Variants in COL14A1 observed in about 807,000 individuals in gnomAD.
COL14A1 encodes collagen type XIV alpha 1 chain.
COL14A1 carries 136 observed loss-of-function variants against 230.3 expected under a neutral mutation model. The ratio of observed to expected loss-of-function variants is 0.59; its 90% CI spans 0.51 to 0.68. The LOEUF (loss-of-function observed/expected upper bound fraction) is 0.68. COL14A1 is among the 30% of genes least tolerant of loss of function. COL14A1 has a pLI of 0.00. For missense variants in COL14A1, 1,976 were observed against 2,215.8 expected, an observed-to-expected ratio of 0.89 and a Z score of 2.17; for synonymous variants, 792 against 784.1, an observed-to-expected ratio of 1.01 and a Z score of -0.17.
At chr8:120,138,137 G>T (rs922726017) in intron 1 of COL14A1, among the ~76,000 whole-genome samples, 1 of 151,586 alleles carries the variant, frequency 6.6e-6, no homozygotes, top group Non-Finnish European at 1.5e-5. Context: ...TCTATATACC[G>T]ATATATATCT....
At position 120,224,023 on chromosome 8, in the gene COL14A1, C is replaced by CTTTTTT. The variant is rs962510256; in HGVS notation, c.1738-1049_1738-1044dup. Among the ~76,000 whole-genome samples, 41 of 78,278 alleles carry CTTTTTT rather than the reference C, an allele frequency of 5.2e-4. 8 individuals carry two copies. Among genetic ancestry groups the CTTTTTT allele is most frequent in the African/African-American group, 1.5e-3 (28 of 19,304 alleles). The allele number at this position is 78,278 out of a possible 152,430, so 51.4% of individuals were successfully genotyped here. On this transcript the variant is annotated intron_variant, in intron 14 of 47. Transcript: ENST00000297848. ...GCCTTCTAGACCCTGCCCTCATCTC[C>CTTTTTT]TTTTTTTTTTTTTTTTTTTTTGAGA...
chr8:120,276,800 A>T (rs1051667501), intron 26 of COL14A1, among the ~76,000 whole-genome samples: 92 of 151,778 alleles, frequency 6.1e-4, no homozygotes, highest in African/African-American at 2.2e-3. Context: ...AAACCTTCAC[A>T]TTGTGCACAG....
chr8:120,255,215 C>A lies in COL14A1; in HGVS notation c.2753-25C>A, dbSNP rs772277400. The A allele has an allele frequency of 3.2e-6, 5 of 1,556,104 alleles. No homozygotes were observed. The East Asian group carries it at 9.0e-5, about 28-fold the overall frequency. On this transcript the variant is annotated intron_variant, in intron 22 of 47. Transcript: ENST00000297848. ...CTTGTGTGTTGTCTGCGGTGTGATA[C>A]AGTTATGTTTCTATTTCATTCCAGT...
At chr8:120,130,331 T>C (rs981841667) in intron 1 of COL14A1, among the ~76,000 whole-genome samples, 1 of 152,340 alleles carries the variant, frequency 6.6e-6, no homozygotes, top group African/African-American at 2.4e-5. Flanking sequence ...CTAGGCAACA[T>C]TGGCCCACAT....
chr8:120,150,849 G>A (rs1388822128), intron 2 of COL14A1, among the ~76,000 whole-genome samples: 1 of 152,076 alleles, frequency 6.6e-6, no homozygotes, highest in African/African-American at 2.4e-5. Flanking sequence ...ATTTTATTTA[G>A]GAATTCACTT....
rs1823511474 is a variant in COL14A1, at chr8:120,369,394, A to C, written c.5220A>C (p.Pro1740=). The change falls in exon 47 of 48, where the codon CCA becomes CCC. Residue 1740 remains proline, a synonymous_variant. Coordinates refer to ENST00000297848, the MANE Select transcript of COL14A1 (RefSeq NM_021110.4). ...CTGGCTCTCCTGGACCAAGAGGCCC[A>C]CCAGGTCATCTGGGGGTTCCTGGAC... The part of the protein sequence containing the change: ...GPPGSPGPRG[P]PGHLGVPGPQ... 6.2e-7 allele frequency: 1 copy of C among 1,609,794 alleles called. No homozygotes were observed. The highest frequency in any genetic ancestry group is 8.5e-7 in the Non-Finnish European group (1 of 1,178,204).
chr8:120,257,148 G>T (rs2129726531), intron 23 of COL14A1, among the ~76,000 whole-genome samples: 1 of 152,266 alleles, frequency 6.6e-6, no homozygotes, highest in African/African-American at 2.4e-5. Flanking sequence ...CAAGATCTTT[G>T]CTGGCAAGTA....
intron 20 of COL14A1, 115 bp downstream of exon 20, chr8:120,244,123 G>C (rs1818695503): frequency 8.0e-7 from 1 of 1,254,176 alleles, no homozygotes; most frequent in Non-Finnish European, 1.1e-6. Context: ...TAAAAGATTT[G>C]GGAACAGGAA....
At chr8:120,356,877 C>G (rs1159387184) in intron 45 of COL14A1, among the ~76,000 whole-genome samples, 2 of 152,108 alleles carry the variant, frequency 1.3e-5, no homozygotes, top group African/African-American at 2.4e-5. Context: ...AATTTGAATG[C>G]CCTTCAGAAC....
intron 36 of COL14A1, among the ~76,000 whole-genome samples, chr8:120,305,296 A>G (rs1411198263): frequency 6.6e-6 from 1 of 152,202 alleles, no homozygotes. Context: ...TCTTTTAAAA[A>G]CATTTCAGAT....
At chr8:120,140,560 A>G (rs898379826) in intron 1 of COL14A1, among the ~76,000 whole-genome samples, 7 of 152,170 alleles carry the variant, frequency 4.6e-5, no homozygotes, top group African/African-American at 1.7e-4. Flanking sequence ...ATTTAAGTTT[A>G]TGGTTTATTT....
chr8:120,197,938 T>G lies in COL14A1; in HGVS notation c.712+8T>G. 1 of 1,613,018 alleles carries G rather than the reference T, an allele frequency of 6.2e-7. No homozygotes were observed. The highest frequency in any genetic ancestry group is 2.2e-5 in the East Asian group (1 of 44,850). ...GAGGAAATACACTAACAGGTATGTT[T>G]TGTTCAATCCATGTTATAACAACAT... On this transcript the variant is annotated splice_region_variant and intron_variant, in intron 7 of 47. Transcript: ENST00000297848.
chr8:120,190,888 A>G (rs1782167335), intron 5 of COL14A1, among the ~76,000 whole-genome samples: 1 of 151,270 alleles, frequency 6.6e-6, no homozygotes, highest in Admixed American at 6.6e-5. Context: ...ATCGGTGGTG[A>G]TATCCCCTTT....
chr8:120,241,296 A>C (rs1252284405), intron 19 of COL14A1, among the ~76,000 whole-genome samples: 4 of 152,214 alleles, frequency 2.6e-5, no homozygotes, highest in Non-Finnish European at 5.9e-5. Flanking sequence ...ACCACCACCA[A>C]CAATAGCAAC....
At chr8:120,140,051 A>G (rs891011666) in intron 1 of COL14A1, among the ~76,000 whole-genome samples, 2 of 152,098 alleles carry the variant, frequency 1.3e-5, no homozygotes, top group African/African-American at 4.8e-5. Flanking sequence ...AATAACAACA[A>G]CAATAAATTA....
At chr8:120,140,106 T>A (rs1814851476) in intron 1 of COL14A1, among the ~76,000 whole-genome samples, 2 of 152,184 alleles carry the variant, frequency 1.3e-5, no homozygotes, top group African/African-American at 2.4e-5. Context: ...CACATTTCAT[T>A]GATAAAGAGC....
At chr8:120,238,954 C>T (rs1336605072) in intron 19 of COL14A1, among the ~76,000 whole-genome samples, 1 of 152,192 alleles carries the variant, frequency 6.6e-6, no homozygotes, top group African/African-American at 2.4e-5. Flanking sequence ...CTAACCAGTC[C>T]CAATGAGATG....
intron 40 of COL14A1, among the ~76,000 whole-genome samples, chr8:120,330,012 T>C (rs1451199880): frequency 2.6e-5 from 4 of 152,108 alleles, no homozygotes; most frequent in Non-Finnish European, 4.4e-5. Flanking sequence ...CCTTTAAGAT[T>C]GCTCCAGAGT....
At chr8:120,237,547 G>A (rs564297946) in intron 19 of COL14A1, among the ~76,000 whole-genome samples, 1 of 152,206 alleles carries the variant, frequency 6.6e-6, no homozygotes, top group Admixed American at 6.5e-5. Flanking sequence ...CCTTGCATTG[G>A]GTTAGAATAT....
Sources: allele counts gnomAD v4.1 joint callset (sites outside exome capture counted in the v4.1 genomes callset), GRCh38; gene constraint gnomAD v4.1.1; transcripts MANE v1.5; gene names NCBI Gene and HGNC (gene_info 2026-07-23, HGNC 2026-07-21).